EXOC6B: variants seen among roughly 807,000 people sequenced by gnomAD.
EXOC6B encodes SEC15 homolog B.
In EXOC6B, 54 loss-of-function variants were observed where a neutral mutation model predicts 113.5. That is an observed-to-expected ratio of 0.48 (90% confidence interval 0.38 to 0.60). The LOEUF (loss-of-function observed/expected upper bound fraction) is 0.60, where lower values mean the gene tolerates loss of function less well. Among genes scored for constraint, EXOC6B ranks in the 20% least tolerant of loss-of-function variants. The pLI is 0.00. For missense variants in EXOC6B, 797 were observed against 977.5 expected, an observed-to-expected ratio of 0.82 and a Z score of 2.46; for synonymous variants, 357 against 339.0, an observed-to-expected ratio of 1.05 and a Z score of -0.58.
chr2:72,322,185 C>A (rs891508552), intron 20 of EXOC6B, among the ~76,000 whole-genome samples: 1 of 151,994 alleles, frequency 6.6e-6, no homozygotes, highest in African/African-American at 2.4e-5. Context: ...TCATAAATGT[C>A]AAAGGTGAAT....
At chr2:72,732,578 A>G (rs765530204) in intron 3 of EXOC6B, among the ~76,000 whole-genome samples, 1 of 152,190 alleles carries the variant, frequency 6.6e-6, no homozygotes, top group Non-Finnish European at 1.5e-5. Flanking sequence ...TCCTAATCTC[A>G]TGGAGTTTAA....
intron 19 of EXOC6B, among the ~76,000 whole-genome samples, chr2:72,356,032 A>T (rs1316142368): frequency 1.3e-5 from 2 of 152,214 alleles, no homozygotes; most frequent in Non-Finnish European, 2.9e-5. Flanking sequence ...TATTAAAAAT[A>T]TTTTTTAATT....
chr2:72,473,296 T>G (rs886165366), intron 17 of EXOC6B, among the ~76,000 whole-genome samples: 3 of 152,112 alleles, frequency 2.0e-5, no homozygotes, highest in African/African-American at 7.2e-5. Flanking sequence ...CACAATTTTA[T>G]TATATCAGAG....
chr2:72,821,224 C>T (rs1437743017), intron 1 of EXOC6B, among the ~76,000 whole-genome samples: 1 of 151,916 alleles, frequency 6.6e-6, no homozygotes, highest in Non-Finnish European at 1.5e-5. Flanking sequence ...GACCAATAAG[C>T]ACATGAAAAG....
intron 8 of EXOC6B, among the ~76,000 whole-genome samples, chr2:72,549,456 T>A (rs912829837): frequency 1.3e-5 from 2 of 152,104 alleles, no homozygotes; most frequent in African/African-American, 2.4e-5. Flanking sequence ...GGAAATAACA[T>A]TTGGAGATTG....
chr2:72,768,601 G>T (rs1055198108), intron 1 of EXOC6B, among the ~76,000 whole-genome samples: 9 of 137,618 alleles, frequency 6.5e-5, no homozygotes, highest in Non-Finnish European at 1.1e-4. Context: ...CACTGTGCCC[G>T]GCCTAAGCTT....
At position 72,342,574 on chromosome 2, in the gene EXOC6B, C is replaced by T. The variant is rs566674476; in HGVS notation, c.2123-7554G>A. 2.4e-4 allele frequency among the ~76,000 whole-genome samples: 37 copies of T among 152,100 alleles called. No homozygotes were observed. In the South Asian group the frequency reaches 7.3e-3, roughly 30 times the overall value. On this transcript the variant is annotated intron_variant, in intron 19 of 21. Transcript: ENST00000272427. Reference sequence around the variant, plus strand: ...GAGGGTGTGGAAAAAAAGAAACCCTCGTATACTGTTATTGGGAATGTAAAT... The same window carrying T: ...GAGGGTGTGGAAAAAAAGAAACCCTTGTATACTGTTATTGGGAATGTAAAT...
chr2:72,746,615 T>G (rs1294928396), intron 1 of EXOC6B, among the ~76,000 whole-genome samples: 2 of 152,112 alleles, frequency 1.3e-5, no homozygotes, highest in African/African-American at 4.8e-5. Context: ...ACTACAGGAT[T>G]ATATCACTTG....
At chr2:72,589,294 C>G (rs1045475173) in intron 6 of EXOC6B, among the ~76,000 whole-genome samples, 1 of 151,664 alleles carries the variant, frequency 6.6e-6, no homozygotes, top group Non-Finnish European at 1.5e-5. Flanking sequence ...TTTTTAAAAC[C>G]ACAACACTTT....
chr2:72,242,730 A>G (rs1390906241), intron 20 of EXOC6B, among the ~76,000 whole-genome samples: 2 of 152,180 alleles, frequency 1.3e-5, no homozygotes, highest in Non-Finnish European at 2.9e-5. Flanking sequence ...TATATGTTAT[A>G]TATAAGAAAC....
At chr2:72,262,903 C>A (rs913626419) in intron 20 of EXOC6B, among the ~76,000 whole-genome samples, 5 of 152,014 alleles carry the variant, frequency 3.3e-5, no homozygotes, top group African/African-American at 1.2e-4. Flanking sequence ...CAGCAACTAA[C>A]AATAAGACAA....
chr2:72,763,226 C>T (rs977476863), intron 1 of EXOC6B, among the ~76,000 whole-genome samples: 4 of 151,940 alleles, frequency 2.6e-5, no homozygotes, highest in Admixed American at 6.6e-5. Context: ...CATAAATTAT[C>T]TCCTCTTATC....
chr2:72,641,038 C>G (rs1051246483), intron 6 of EXOC6B, among the ~76,000 whole-genome samples: 1 of 152,170 alleles, frequency 6.6e-6, no homozygotes, highest in African/African-American at 2.4e-5. Context: ...CTTTAACATC[C>G]CGCTGACAAT....
At chr2:72,506,060 A>T (rs1282595330) in intron 11 of EXOC6B, among the ~76,000 whole-genome samples, 5 of 152,134 alleles carry the variant, frequency 3.3e-5, no homozygotes, top group African/African-American at 4.8e-5. Flanking sequence ...ATTTATATTT[A>T]TAAATAAGTC....
At chr2:72,246,813 A>G (rs928681345) in intron 20 of EXOC6B, among the ~76,000 whole-genome samples, 1 of 152,172 alleles carries the variant, frequency 6.6e-6, no homozygotes, top group African/African-American at 2.4e-5. Context: ...TTGTTATCCT[A>G]TCTATGGAGA....
chr2:72,214,097 A>G (rs1185980820), intron 20 of EXOC6B, among the ~76,000 whole-genome samples: 3 of 152,138 alleles, frequency 2.0e-5, no homozygotes, highest in East Asian at 3.9e-4. Context: ...AACTAAAGTC[A>G]AGAATACATC....
At chr2:72,643,427 G>A (rs1477278832) in intron 6 of EXOC6B, among the ~76,000 whole-genome samples, 1 of 149,076 alleles carries the variant, frequency 6.7e-6, no homozygotes, top group Non-Finnish European at 1.5e-5. Flanking sequence ...GGAATACTAT[G>A]CAGCCATAAA....
At chr2:72,694,473 C>T (rs916452998) in intron 6 of EXOC6B, among the ~76,000 whole-genome samples, 23 of 152,044 alleles carry the variant, frequency 1.5e-4, no homozygotes, top group African/African-American at 5.6e-4. Flanking sequence ...AAAGAGTGAA[C>T]TTCACAGATC....
At chr2:72,402,519 T>C (rs1693405398) in intron 18 of EXOC6B, among the ~76,000 whole-genome samples, 1 of 152,216 alleles carries the variant, frequency 6.6e-6, no homozygotes, top group South Asian at 2.1e-4. Context: ...CAGCATTTCT[T>C]GTAGGGCTTG....
Sources: allele counts gnomAD v4.1 joint callset (sites outside exome capture counted in the v4.1 genomes callset), GRCh38; gene constraint gnomAD v4.1.1; transcripts MANE v1.5; gene names NCBI Gene and HGNC (gene_info 2026-07-23, HGNC 2026-07-21).